The following PTK2 variants were observed in gnomAD, a reference collection of about 807,000 sequenced individuals.
PTK2 encodes protein tyrosine kinase 2.
In PTK2, 45 loss-of-function variants were observed where a neutral mutation model predicts 150.1. That is an observed-to-expected ratio of 0.30 (90% CI 0.24 to 0.38). PTK2 has a LOEUF of 0.38. Among genes scored for constraint, PTK2 ranks in the 10% least tolerant of loss-of-function variants. The pLI, the probability that PTK2 is intolerant of heterozygous loss-of-function variation, is 1.00. For missense variants in PTK2, 919 were observed against 1,307.3 expected, an observed-to-expected ratio of 0.70 and a Z score of 4.58; for synonymous variants, 432 against 449.2, an observed-to-expected ratio of 0.96 and a Z score of 0.48.
intron 1 of PTK2, among the ~76,000 whole-genome samples, chr8:140,941,742 G>A (rs2100175860): frequency 6.6e-6 from 1 of 151,760 alleles, no homozygotes; most frequent in Non-Finnish European, 1.5e-5. Context: ...TCTCACTTTT[G>A]TCACCTACGC....
chr8:140,935,186 G>T (rs927501454), intron 1 of PTK2, among the ~76,000 whole-genome samples: 1 of 152,024 alleles, frequency 6.6e-6, no homozygotes, highest in East Asian at 1.9e-4. Flanking sequence ...GTCCATAAAC[G>T]ATAGAACCAA....
chr8:140,798,036 T>G (rs572497486), intron 12 of PTK2, among the ~76,000 whole-genome samples: 84 of 152,272 alleles, frequency 5.5e-4, no homozygotes, highest in African/African-American at 1.8e-3. Flanking sequence ...CCAATTCACA[T>G]GTAGAATGTA....
intron 10 of PTK2, among the ~76,000 whole-genome samples, chr8:140,807,482 G>A (rs908261940): frequency 6.6e-6 from 1 of 152,312 alleles, no homozygotes; most frequent in East Asian, 1.9e-4. Context: ...AGATAGGCAT[G>A]TAAGTGGTCA....
intron 26 of PTK2, among the ~76,000 whole-genome samples, chr8:140,692,852 C>G (rs2100024019): frequency 6.6e-6 from 1 of 152,192 alleles, no homozygotes; most frequent in Non-Finnish European, 1.5e-5. Flanking sequence ...TGGCTTCAGA[C>G]AGACAGCCTC....
At position 140,843,043 on chromosome 8, in the gene PTK2, G is replaced by GT. The variant is rs1567381798; in HGVS notation, c.593+3216dup. On this transcript the variant is annotated intron_variant, in intron 7 of 31. Coordinates refer to ENST00000522684, the Ensembl canonical transcript of PTK2. The stretch of plus-strand genomic sequence containing the variant: ...TTCACTGACCCCTGACAAAAACTGC[G>GT]TAAGGTTTTGAAAGCCTTTAACACT... 5.9e-5 allele frequency among the ~76,000 whole-genome samples: 9 copies of GT among 152,028 alleles called. 1 individual carries two copies. Among genetic ancestry groups the GT allele is most frequent in the African/African-American group, 1.4e-4 (6 of 41,428 alleles).
intron 21 of PTK2, among the ~76,000 whole-genome samples, chr8:140,736,538 A>T (rs541282325): frequency 1.8e-4 from 27 of 152,078 alleles, no homozygotes; most frequent in Non-Finnish European, 3.2e-4. Flanking sequence ...AAAAAAAAAA[A>T]AAATTTAAAA....
At chr8:140,908,718 C>T (rs532315776) in intron 2 of PTK2, among the ~76,000 whole-genome samples, 2 of 152,228 alleles carry the variant, frequency 1.3e-5, no homozygotes, top group African/African-American at 2.4e-5. Context: ...ATATGACAGC[C>T]CCTCAGAAGG....
chr8:140,884,374 C>A (rs1168721939), intron 3 of PTK2, among the ~76,000 whole-genome samples: 2 of 152,120 alleles, frequency 1.3e-5, no homozygotes, highest in Admixed American at 1.3e-4. Context: ...ACTTTCCATC[C>A]TGTAAAGGAA....
chr8:140,774,180 CTT>C (rs1199708713), intron 14 of PTK2, among the ~76,000 whole-genome samples: 2 of 152,186 alleles, frequency 1.3e-5, no homozygotes, highest in Non-Finnish European at 2.9e-5. Flanking sequence ...TACTTGTTCT[CTT>C]TGGCTTTTGC....
At position 140,692,982 on chromosome 8, in the gene PTK2, A is replaced by G. The variant is rs73366334; in HGVS notation, c.2500-6288T>C. Among the ~76,000 whole-genome samples the G allele has an allele frequency of 3.1e-3, 474 of 152,350 alleles. 4 individuals carry two copies. The highest frequency in any genetic ancestry group is 0.02 in the Middle Eastern group (6 of 294). On this transcript the variant is annotated intron_variant, in intron 26 of 31. Transcript: ENST00000522684. ...TCTCAAAACACAAAGTAGGCTTTATATAGATAGGGCTTTCTCATTTAAAAT... is the reference window on the plus strand; with the variant it reads ...TCTCAAAACACAAAGTAGGCTTTATGTAGATAGGGCTTTCTCATTTAAAAT...
chr8:140,979,875 A>G (rs750705677), intron 1 of PTK2, among the ~76,000 whole-genome samples: 13 of 152,198 alleles, frequency 8.5e-5, no homozygotes, highest in Non-Finnish European at 1.6e-4. Flanking sequence ...CTCCCCAGCC[A>G]TGTGGAATGT....
chr8:140,850,448 A>G (rs2100128523), intron 5 of PTK2, among the ~76,000 whole-genome samples: 1 of 150,714 alleles, frequency 6.6e-6, no homozygotes, highest in African/African-American at 2.5e-5. Flanking sequence ...ACGACGGGCC[A>G]GGCGCGGTGG....
At chr8:140,730,756 A>G (rs1425553892) in intron 22 of PTK2, among the ~76,000 whole-genome samples, 3 of 152,234 alleles carry the variant, frequency 2.0e-5, no homozygotes, top group African/African-American at 4.8e-5. Flanking sequence ...TTAACCTAAA[A>G]TATTTTTCTA....
intron 2 of PTK2, among the ~76,000 whole-genome samples, chr8:140,902,729 CAT>C (rs1281290227): frequency 6.6e-6 from 1 of 152,116 alleles, no homozygotes; most frequent in Non-Finnish European, 1.5e-5. Context: ...AGCTTTTTTT[CAT>C]ATGTTTATTG....
chr8:140,891,619 G>A lies in PTK2; in HGVS notation c.-32-850C>T, dbSNP rs1418990223. ...AGAGACAAGAAAAGGCTACGAATGGGAGAGAAACCAGCAGAGCTTTCGGCA... is the reference window on the plus strand; with the variant it reads ...AGAGACAAGAAAAGGCTACGAATGGAAGAGAAACCAGCAGAGCTTTCGGCA... On this transcript the variant is annotated intron_variant, in intron 2 of 31. Transcript: ENST00000522684. Among the ~76,000 whole-genome samples, 3 of 152,198 alleles carry A rather than the reference G, an allele frequency of 2.0e-5. No homozygotes were observed. The East Asian group carries it at 5.8e-4, about 29-fold the overall frequency.
chr8:140,746,594 G>T (rs2100058904), intron 18 of PTK2, 166 bp downstream of exon 21: 1 of 489,728 alleles, frequency 2.0e-6, no homozygotes, highest in Non-Finnish European at 3.6e-6. Context: ...GGAATTTAAT[G>T]ATGAAGATAT....
chr8:140,943,010 T>G (rs190832246), intron 1 of PTK2, among the ~76,000 whole-genome samples: 202 of 152,272 alleles, frequency 1.3e-3, no homozygotes, highest in Middle Eastern at 0.01. Flanking sequence ...CCACTTCACC[T>G]TCCATCATGA....
intron 1 of PTK2, among the ~76,000 whole-genome samples, chr8:140,938,850 C>T (rs987786252): frequency 6.6e-6 from 1 of 152,128 alleles, no homozygotes; most frequent in African/African-American, 2.4e-5. Context: ...TTTTCATAAT[C>T]AAAATATTTT....
In PTK2 at chr8:140,788,689, A is replaced by AAACTG. The variant is rs1051086678; in HGVS notation, c.1177+780_1177+784dup. On this transcript the variant is annotated intron_variant, in intron 14 of 31. Transcript: ENST00000522684. ...ACAGAGTGAGACTCTGTCTCAAAAA[A>AAACTG]AACTGATTCAAAATAAACAGGAATT... Among the ~76,000 whole-genome samples the AAACTG allele has an allele frequency of 2.0e-5, 3 of 152,206 alleles. No individual in the cohort carries two copies. The East Asian group carries it at 5.8e-4, about 29-fold the overall frequency.
Sources: allele counts gnomAD v4.1 joint callset (sites outside exome capture counted in the v4.1 genomes callset), GRCh38; gene constraint gnomAD v4.1.1; transcripts MANE v1.5; gene names NCBI Gene and HGNC (gene_info 2026-07-23, HGNC 2026-07-21).